Variants in SUSD1 observed in about 807,000 individuals in gnomAD.
SUSD1 encodes sushi domain containing 1.
A neutral mutation model predicts 86.9 loss-of-function variants in SUSD1; 65 were observed. The ratio of observed to expected loss-of-function variants is 0.75; its 90% confidence interval spans 0.61 to 0.92. The LOEUF (loss-of-function observed/expected upper bound fraction) is 0.92. Among genes scored for constraint, SUSD1 ranks in the 40% least tolerant of loss-of-function variants. The probability of loss-of-function intolerance (pLI) is 0.00; values close to 1 mark genes in which losing one functional copy is unlikely to be tolerated. For synonymous variants in SUSD1, 346 were observed against 350.0 expected, an observed-to-expected ratio of 0.99 and a Z score of 0.13; for missense variants, 850 against 929.7, an observed-to-expected ratio of 0.91 and a Z score of 1.11.
intron 10 of SUSD1, among the ~76,000 whole-genome samples, chr9:112,089,500 G>A (rs967427701): frequency 1.3e-5 from 2 of 152,086 alleles, no homozygotes; most frequent in Non-Finnish European, 2.9e-5. Context: ...GCAAAAGAAA[G>A]TATAAGAAAG....
chr9:112,068,420 T>A (rs1453463517), intron 12 of SUSD1, among the ~76,000 whole-genome samples: 1 of 152,036 alleles, frequency 6.6e-6, no homozygotes, highest in African/African-American at 2.4e-5. Context: ...ATTGAAAGAT[T>A]TTTAGCAGGC....
chr9:112,173,287 T>TG (rs1834123824), intron 1 of SUSD1, among the ~76,000 whole-genome samples: 1 of 151,690 alleles, frequency 6.6e-6, no homozygotes, highest in South Asian at 2.1e-4. Flanking sequence ...AGAATGGGGG[T>TG]GGGGGCGGCA....
chr9:112,052,950 T>C lies in SUSD1; in HGVS notation c.2110-512A>G, dbSNP rs544061251. On this transcript the variant is annotated intron_variant, in intron 14 of 16. Coordinates refer to ENST00000374270, the MANE Select transcript of SUSD1 (RefSeq NM_022486.5). ...AACCGGGAAGAAAGCAACAGGAACA[T>C]ATATGAAAGCTCATCCATAGTAGAA... Among the ~76,000 whole-genome samples the C allele has an allele frequency of 2.6e-5, 4 of 152,262 alleles. No homozygotes were observed. The South Asian group carries it at 8.3e-4, about 32-fold the overall frequency.
intron 1 of SUSD1, among the ~76,000 whole-genome samples, chr9:112,157,824 C>CTTTTTTTT (rs72322597): frequency 2.2e-5 from 3 of 136,890 alleles, no homozygotes; most frequent in Admixed American, 7.5e-5. Flanking sequence ...TTCTTTCTTT[C>CTTTTTTTT]TTTTTTTTTT....
At chr9:112,149,994 A>G (rs10981283) in intron 2 of SUSD1, among the ~76,000 whole-genome samples, 8,776 of 152,316 alleles carry the variant, frequency 0.058, 668 homozygotes, top group African/African-American at 0.16. Context: ...ATGAGTCCCC[A>G]GAAGCTTGCC....
intron 13 of SUSD1, among the ~76,000 whole-genome samples, chr9:112,059,453 CT>C (rs1364603854): frequency 6.6e-6 from 1 of 152,208 alleles, no homozygotes; most frequent in East Asian, 1.9e-4. Context: ...GGAAAAAAGG[CT>C]GCAGACAGTC....
intron 3 of SUSD1, among the ~76,000 whole-genome samples, chr9:112,145,238 TA>T (rs202129772): frequency 1.4e-4 from 20 of 146,898 alleles, no homozygotes; most frequent in East Asian, 3.9e-4. Flanking sequence ...GTCTGTTTTT[TA>T]AAAAAAAAAT....
At chr9:112,132,392 G>T (rs1832070274) in intron 5 of SUSD1, among the ~76,000 whole-genome samples, 1 of 152,176 alleles carries the variant, frequency 6.6e-6, no homozygotes. Flanking sequence ...ATAAGCAAGT[G>T]TTATATGTAA....
chr9:112,165,985 G>GAAAGAAAGAA (rs1564358398), intron 1 of SUSD1, among the ~76,000 whole-genome samples: 1 of 151,104 alleles, frequency 6.6e-6, no homozygotes, highest in East Asian at 2.0e-4. Flanking sequence ...AAGAAAGAAA[G>GAAAGAAAGAA]AAAGAAAGAA....
intron 10 of SUSD1, among the ~76,000 whole-genome samples, chr9:112,086,834 C>T (rs1830005009): frequency 6.7e-6 from 1 of 149,306 alleles, no homozygotes; most frequent in Admixed American, 6.6e-5. Flanking sequence ...AACAAACAAA[C>T]AAACAAACAA....
chr9:112,106,508 G>C (rs1461030824), intron 8 of SUSD1, among the ~76,000 whole-genome samples: 2 of 152,008 alleles, frequency 1.3e-5, no homozygotes, highest in African/African-American at 2.4e-5. Flanking sequence ...TCACCACACA[G>C]AGAGAGAAAT....
At chr9:112,162,143 C>T (rs1564354231) in intron 1 of SUSD1, among the ~76,000 whole-genome samples, 1 of 152,148 alleles carries the variant, frequency 6.6e-6, no homozygotes, top group Non-Finnish European at 1.5e-5. Flanking sequence ...ATGTAGACAA[C>T]CATGAAACAA....
chr9:112,064,452 C>T (rs921588581), intron 12 of SUSD1, among the ~76,000 whole-genome samples: 10 of 152,340 alleles, frequency 6.6e-5, no homozygotes, highest in East Asian at 1.9e-4. Context: ...CACCCCAGTC[C>T]GTTGGAAAAC....
chr9:112,165,933 A>G (rs1833788121), intron 1 of SUSD1, among the ~76,000 whole-genome samples: 1 of 130,370 alleles, frequency 7.7e-6, no homozygotes, highest in Non-Finnish European at 1.6e-5. Context: ...AAAGAAAGAA[A>G]GAAAGAAAGA....
At chr9:112,064,889 A>AG (rs1828908260) in intron 12 of SUSD1, among the ~76,000 whole-genome samples, 1 of 151,868 alleles carries the variant, frequency 6.6e-6, no homozygotes, top group African/African-American at 2.4e-5. Context: ...AAAAAAAAAA[A>AG]AAAAAGAAGC....
chr9:112,059,606 G>C (rs552905393), intron 13 of SUSD1, among the ~76,000 whole-genome samples: 7 of 152,290 alleles, frequency 4.6e-5, no homozygotes, highest in African/African-American at 1.7e-4. Context: ...CCCTGAAACA[G>C]CCAGAACAGT....
chr9:112,046,107 G>T lies in SUSD1; in HGVS notation c.2150-4147C>A, dbSNP rs554441548. Among the ~76,000 whole-genome samples the T allele has an allele frequency of 6.6e-5, 10 of 152,244 alleles. No individual in the cohort carries two copies. The South Asian group carries it at 8.3e-4, about 13-fold the overall frequency. ...GATTCTTGCTGGTAGATCAGTTCCT[G>T]GTTATATGTCTTTTTGTCTACTTTG... On this transcript the variant is annotated intron_variant, in intron 15 of 16. Transcript: ENST00000374270.
intron 15 of SUSD1, among the ~76,000 whole-genome samples, chr9:112,048,006 T>C (rs1460237411): frequency 6.6e-6 from 1 of 152,226 alleles, no homozygotes; most frequent in Admixed American, 6.5e-5. Context: ...ATTTTCTTAC[T>C]GGCTGCAGCC....
intron 6 of SUSD1, among the ~76,000 whole-genome samples, chr9:112,123,440 G>C (rs527494250): frequency 2.0e-5 from 3 of 152,234 alleles, no homozygotes; most frequent in African/African-American, 7.2e-5. Context: ...CTTCCCACCA[G>C]GCCCCACCTC....
Sources: allele counts gnomAD v4.1 joint callset (sites outside exome capture counted in the v4.1 genomes callset), GRCh38; gene constraint gnomAD v4.1.1; transcripts MANE v1.5; gene names NCBI Gene and HGNC (gene_info 2026-07-23, HGNC 2026-07-21).